CACFD1: variants seen among roughly 807,000 people sequenced by gnomAD.
The protein encoded by CACFD1 is calcium channel flower domain containing 1, also known as calcium channel flower homolog.
A neutral mutation model predicts 21.3 loss-of-function variants in CACFD1; 26 were observed. The observed-to-expected ratio is 1.22, with a 90% confidence interval of 0.89 to 1.69. The LOEUF (loss-of-function observed/expected upper bound fraction) is 1.69. CACFD1 is among the 40% of genes most tolerant of loss of function. The probability of loss-of-function intolerance (pLI) is 0.00; values close to 1 mark genes in which losing one functional copy is unlikely to be tolerated. For synonymous variants in CACFD1, 121 were observed against 106.6 expected, an observed-to-expected ratio of 1.13 and a Z score of -0.83; for missense variants, 265 against 236.2, an observed-to-expected ratio of 1.12 and a Z score of -0.80.
rs139809855 is a variant in CACFD1, at chr9:133,464,959, T to C, written c.195-363T>C. ...AGACAGAGGACACAGCTGCCAGTGC[T>C]CCATCTGTGGATGAACCTGCCGCAG... On this transcript the variant is annotated intron_variant, in intron 2 of 4. Transcript: ENST00000316948. The C allele has an allele frequency of 3.6e-3, 732 of 204,750 alleles. 11 individuals are homozygous for C. The highest frequency in any genetic ancestry group is 0.016 in the African/African-American group (677 of 42,634). The allele number at this position is 204,750 out of a possible 1,614,324, so 12.7% of individuals were successfully genotyped here.
rs199903701 is a variant in CACFD1 at position 133,460,160 on chromosome 9, C to G, written c.94C>G (p.Arg32Gly). The G allele has an allele frequency of 6.4e-7, 1 of 1,557,820 alleles. No homozygotes were observed. The highest frequency in any genetic ancestry group is 8.7e-7 in the Non-Finnish European group (1 of 1,151,120). Residue 32 changes from arginine to glycine, a missense_variant, in exon 1 of 5, where the codon CGC (arginine) becomes GGC (glycine). Arg to Gly is a moderately radical substitution (Grantham distance 125). Coordinates refer to ENST00000316948, the MANE Select transcript of CACFD1 (RefSeq NM_017586.5). ...GMTWWYRWLC[R>G]LSGVLGAVSC... Reference sequence around the variant, plus strand: ...GACGTGGTGGTACCGCTGGCTGTGTCGCCTGTCTGGGGTGCTGGGGGCAGT... The same window carrying G: ...GACGTGGTGGTACCGCTGGCTGTGTGGCCTGTCTGGGGTGCTGGGGGCAGT...
intron 4 of CACFD1, 61 bp downstream of exon 4, chr9:133,468,089 T>C (rs1843515616): frequency 7.1e-7 from 1 of 1,399,288 alleles, no homozygotes; most frequent in East Asian, 2.3e-5. Flanking sequence ...CCGAAGTCCT[T>C]CAGTGAGGAG....
chr9:133,468,567 G>T lies in CACFD1; in HGVS notation c.433G>T (p.Asp145Tyr). The T allele has an allele frequency of 6.3e-7, 1 of 1,580,176 alleles. No individual in the cohort carries two copies. The highest frequency in any genetic ancestry group is 8.6e-7 in the Non-Finnish European group (1 of 1,164,892). ...GCTGCCTCTCTCTCTCCCCAGGGGC[G>T]ATGCGATCTCCTATGCCAGGATCCA... ...YGLSALGKKG[D>Y]AISYARIQQQ... Residue 145 changes from aspartate (D) to tyrosine (Y), a missense_variant, in exon 5 of 5, where the codon GAT (aspartate) becomes TAT (tyrosine). Transcript: ENST00000316948.
intron 2 of CACFD1, chr9:133,464,923 A>AT (rs1843372297): frequency 5.8e-6 from 1 of 173,356 alleles, no homozygotes; most frequent in African/African-American, 2.4e-5. Context: ...CATGGCGATA[A>AT]TACTAACAGC....
In CACFD1 at chr9:133,461,549, A is replaced by G. The variant is rs147560178; in HGVS notation, c.121+1362A>G. 2.4e-3 allele frequency among the ~76,000 whole-genome samples: 369 copies of G among 152,332 alleles called. 2 individuals carry two copies. The highest frequency in any genetic ancestry group is 7.4e-3 in the African/African-American group (306 of 41,580). Reference sequence around the variant, plus strand: ...GGGGTGACATGGTCAGTGGTGAGAAAGGAAAGGTCCTGACTATGGCCTGTA... The same window carrying G: ...GGGGTGACATGGTCAGTGGTGAGAAGGGAAAGGTCCTGACTATGGCCTGTA... On this transcript the variant is annotated intron_variant, in intron 1 of 4. Transcript: ENST00000316948.
intron 1 of CACFD1, chr9:133,462,284 G>A (rs966692398): frequency 6.1e-6 from 8 of 1,303,724 alleles, no homozygotes; most frequent in Non-Finnish European, 7.1e-6. Context: ...GCTAGGACAG[G>A]CAGGCCCCTG....
At chr9:133,460,241 C>T (rs1843086801) in intron 1 of CACFD1, 54 bp downstream of exon 1, 7 of 1,416,968 alleles carry the variant, frequency 4.9e-6, no homozygotes, top group East Asian at 3.0e-5. Context: ...CGCTCCTCGC[C>T]CTGCCCTGCC....
At chr9:133,466,340 T>C (rs1006479215) in intron 3 of CACFD1, among the ~76,000 whole-genome samples, 2 of 152,272 alleles carry the variant, frequency 1.3e-5, no homozygotes, top group Non-Finnish European at 2.9e-5. Flanking sequence ...CGCTGCCTGC[T>C]AATCTTCTGA....
rs41297223 is a variant in CACFD1, at chr9:133,468,814, G to A, written c.*161G>A. 5.1e-3 allele frequency: 6,384 copies of A among 1,258,928 alleles called. 26 individuals are homozygous for A. Among genetic ancestry groups the A allele is most frequent in the Admixed American group, 0.015 (502 of 34,038 alleles). The allele number at this position is 1,258,928 out of a possible 1,614,324, so 78.0% of individuals were successfully genotyped here. On this transcript the variant is annotated 3_prime_UTR_variant, in exon 5 of 5. Coordinates refer to ENST00000316948, the MANE Select transcript of CACFD1 (RefSeq NM_017586.5). ...CTTTCTCCAGACTGGCTTAAGCCAG[G>A]AGCCACTGGCTGCTGGTGTGAGGGT...
intron 1 of CACFD1, chr9:133,461,946 G>A: frequency 2.0e-6 from 2 of 985,434 alleles, no homozygotes; most frequent in South Asian, 9.4e-5. Flanking sequence ...CCTGGAGAGG[G>A]TCTACCCTGG....
chr9:133,463,559 A>C lies in CACFD1; in HGVS notation c.194+4A>C. The C allele has an allele frequency of 4.3e-6, 7 of 1,613,866 alleles. No homozygotes were observed. The highest frequency in any genetic ancestry group is 5.1e-6 in the Non-Finnish European group (6 of 1,179,890). ...TTGCGGCCGGCGTGTGGATGATGTGAGTAATGCATGGCCGTCCCACCCCGG... is the reference window on the plus strand; with the variant it reads ...TTGCGGCCGGCGTGTGGATGATGTGCGTAATGCATGGCCGTCCCACCCCGG... On this transcript the variant is annotated splice_donor_region_variant and intron_variant, in intron 2 of 4. Transcript: ENST00000316948.
intron 3 of CACFD1, among the ~76,000 whole-genome samples, chr9:133,466,316 T>C (rs956363940): frequency 6.6e-6 from 1 of 152,256 alleles, no homozygotes; most frequent in East Asian, 1.9e-4. Context: ...TATAGAACAA[T>C]GTTACTCGAA....
At chr9:133,466,739 A>G (rs1340074248) in intron 3 of CACFD1, among the ~76,000 whole-genome samples, 1 of 118,234 alleles carries the variant, frequency 8.5e-6, no homozygotes, top group African/African-American at 3.3e-5. Context: ...CCCCGCCCCC[A>G]CCCCAGCCCA....
At position 133,460,093 on chromosome 9, in the gene CACFD1, G is replaced by C; in HGVS notation, c.27G>C (p.Gly9=). ...TGAGCAGCTCAGGTGGGGCGCCCGG[G>C]GCGTCCGCCAGCTCTGCGCCGCCCG... is the stretch of plus-strand genomic sequence containing the variant. MSSSGGAP[G]ASASSAPPAQ... The change falls in exon 1 of 5, where the codon GGG becomes GGC. Residue 9 remains glycine (G), a synonymous_variant. Coordinates refer to ENST00000316948, the MANE Select transcript of CACFD1 (RefSeq NM_017586.5). 3 of 1,563,012 alleles carry C rather than the reference G, an allele frequency of 1.9e-6. No homozygotes were observed. The highest frequency in any genetic ancestry group is 2.7e-5 in the African/African-American group (2 of 73,118).
intron 1 of CACFD1, chr9:133,461,925 C>G (rs892581295): frequency 4.1e-6 from 4 of 985,272 alleles, no homozygotes; most frequent in Non-Finnish European, 4.8e-6. Context: ...GTGAGGGGAT[C>G]AGAGAGAGTA....
At position 133,460,053 on chromosome 9, in the gene CACFD1, C is replaced by A; in HGVS notation, c.-14C>A. On this transcript the variant is annotated 5_prime_UTR_variant, in exon 1 of 5. The change creates a new upstream start codon in the 5' untranslated region. Transcript: ENST00000316948. Reference sequence around the variant, plus strand: ...CCTTTGTGAGGGCTGTGAGCTGCGCCTGACGGTGGCACCATGAGCAGCTCA... The same window carrying A: ...CCTTTGTGAGGGCTGTGAGCTGCGCATGACGGTGGCACCATGAGCAGCTCA... The A allele has an allele frequency of 6.4e-7, 1 of 1,552,156 alleles. No individual in the cohort carries two copies. Among genetic ancestry groups the A allele is most frequent in the East Asian group, 2.5e-5 (1 of 40,570 alleles).
At chr9:133,468,307 C>T in intron 4 of CACFD1, 1 of 1,527,806 alleles carries the variant, frequency 6.5e-7, no homozygotes, top group Non-Finnish European at 8.8e-7. Context: ...CTGCACCGGG[C>T]ATTGTACTCA....
Position 133,459,978 on chromosome 9 carries a change from C to T in CACFD1, c.-89C>T. The T allele has an allele frequency of 1.4e-6, 2 of 1,414,688 alleles. No individual in the cohort carries two copies. The highest frequency in any genetic ancestry group is 1.9e-6 in the Non-Finnish European group (2 of 1,078,180). 87.6% of individuals were successfully genotyped at this position (1,414,688 alleles called of 1,614,324 possible). ...GCCCCGCCCCCTATGCTAATATGCT[C>T]CCTCTCCCACAAGGCAGCGCGCCGG... On this transcript the variant is annotated 5_prime_UTR_variant, in exon 1 of 5. Transcript: ENST00000316948.
At chr9:133,464,498 T>G (rs1843353332) in intron 2 of CACFD1, among the ~76,000 whole-genome samples, 2 of 151,946 alleles carry the variant, frequency 1.3e-5, no homozygotes, top group African/African-American at 2.4e-5. Context: ...TTAAGAGTTG[T>G]GAAGAGAGTG....
Sources: gnomAD v4.1 joint callset for allele counts (sites outside exome capture counted in the v4.1 genomes callset) on GRCh38, gnomAD v4.1.1 for gene constraint, MANE v1.5 for transcripts, NCBI Gene and HGNC (gene_info 2026-07-23, HGNC 2026-07-21) for gene names.